Variants in LY86 observed in about 807,000 individuals in gnomAD.
LY86 encodes the protein MD-1, RP105-associated.
LY86 carries 20 observed loss-of-function variants against 17.3 expected under a neutral mutation model. The ratio of observed to expected loss-of-function variants is 1.15; its 90% CI spans 0.81 to 1.68. The LOEUF (loss-of-function observed/expected upper bound fraction) is 1.68, where lower values mean the gene tolerates loss of function less well. LY86 is among the 40% of genes most tolerant of loss of function. LY86 has a pLI of 0.00. For missense variants in LY86, 200 were observed against 191.9 expected, an observed-to-expected ratio of 1.04 and a Z score of -0.25; for synonymous variants, 74 against 70.6, an observed-to-expected ratio of 1.05 and a Z score of -0.24.
chr6:6,604,108 T>C (rs1043842552), intron 1 of LY86, among the ~76,000 whole-genome samples: 3 of 152,154 alleles, frequency 2.0e-5, no homozygotes, highest in African/African-American at 7.2e-5. Flanking sequence ...CTGAGGCATA[T>C]AGGCAGAAGG....
intron 1 of LY86, among the ~76,000 whole-genome samples, chr6:6,615,853 C>T (rs909066545): frequency 1.3e-5 from 2 of 151,756 alleles, no homozygotes; most frequent in Non-Finnish European, 2.9e-5. Context: ...AGAACCAGAC[C>T]CTATCTCAAA....
At position 6,610,695 on chromosome 6, in the gene LY86, G is replaced by GGT. The variant is rs60355397; in HGVS notation, c.137-14221_137-14220dup. Among the ~76,000 whole-genome samples the GGT allele has an allele frequency of 8.5e-3, 1,291 of 152,168 alleles. 18 individuals carry two copies. The highest frequency in any genetic ancestry group is 0.029 in the African/African-American group (1,209 of 41,480). On this transcript the variant is annotated intron_variant, in intron 1 of 4. Transcript: ENST00000230568. The stretch of plus-strand genomic sequence containing the variant: ...GGAGGGCTGGGGTTTTGTTTTGTGG[G>GGT]GTGTGTGTGTGCATTCTCATGTGTG...
At chr6:6,622,573 C>A (rs1323821992) in intron 1 of LY86, 1 of 152,174 alleles carries the variant, frequency 6.6e-6, no homozygotes, top group African/African-American at 2.4e-5. Flanking sequence ...CTCTTTCCCA[C>A]CCTTAGGAAA....
chr6:6,592,845 A>C (rs966944369), intron 1 of LY86, among the ~76,000 whole-genome samples: 1 of 152,190 alleles, frequency 6.6e-6, no homozygotes, highest in African/African-American at 2.4e-5. Flanking sequence ...TTGGCTGTTT[A>C]AGCCCCCCAG....
chr6:6,621,641 T>C (rs910378528), intron 1 of LY86, among the ~76,000 whole-genome samples: 3 of 152,200 alleles, frequency 2.0e-5, no homozygotes, highest in African/African-American at 7.2e-5. Context: ...AGACATCCTA[T>C]GATGTGCAGA....
chr6:6,604,438 T>C (rs1445634640), intron 1 of LY86, among the ~76,000 whole-genome samples: 2 of 152,048 alleles, frequency 1.3e-5, no homozygotes, highest in Non-Finnish European at 2.9e-5. Context: ...ATTTAATTGT[T>C]GAAATGAAAA....
chr6:6,612,607 TC>T (rs1380288440), intron 1 of LY86, among the ~76,000 whole-genome samples: 6 of 152,326 alleles, frequency 3.9e-5, no homozygotes, highest in Non-Finnish European at 8.8e-5. Context: ...ATCTGGCCCC[TC>T]CCACATCCTG....
chr6:6,612,043 G>C (rs796953690), intron 1 of LY86, among the ~76,000 whole-genome samples: 8 of 146,320 alleles, frequency 5.5e-5, no homozygotes, highest in African/African-American at 2.0e-4. Flanking sequence ...TTAGGAGAGA[G>C]CAAATTGAAG....
At chr6:6,613,046 A>G (rs1761429014) in intron 1 of LY86, among the ~76,000 whole-genome samples, 1 of 152,134 alleles carries the variant, frequency 6.6e-6, no homozygotes, top group Non-Finnish European at 1.5e-5. Context: ...TTGGCTAGAC[A>G]TAAAGCTTCT....
chr6:6,603,609 A>AC (rs1468626659), intron 1 of LY86, among the ~76,000 whole-genome samples: 28,766 of 105,652 alleles, frequency 0.27, 4,483 homozygotes, highest in East Asian at 0.57. Context: ...GAAACAGAAA[A>AC]AAAAACAAAC....
At chr6:6,605,585 C>T (rs1391039371) in intron 1 of LY86, among the ~76,000 whole-genome samples, 1 of 152,266 alleles carries the variant, frequency 6.6e-6, no homozygotes, top group East Asian at 1.9e-4. Flanking sequence ...CGCATGACAG[C>T]TGTCATAGTC....
rs530696772 is a variant in LY86, at chr6:6,611,444, G to C, written c.137-13482G>C. Among the ~76,000 whole-genome samples the C allele has an allele frequency of 3.6e-4, 55 of 152,306 alleles. 1 individual carries two copies. Among genetic ancestry groups the C allele is most frequent in the East Asian group, 1.9e-4 (1 of 5,190 alleles). ...TGTGAGGATTTCAGCTAATACATAC[G>C]TAGGGCTCAGAACAGGACCTGCTGT... On this transcript the variant is annotated intron_variant, in intron 1 of 4. Coordinates refer to ENST00000230568, the MANE Select transcript of LY86 (RefSeq NM_004271.4).
chr6:6,603,831 T>TA lies in LY86; in HGVS notation c.136+14968dup, dbSNP rs374000971. Among the ~76,000 whole-genome samples the TA allele has an allele frequency of 8.6e-4, 130 of 151,544 alleles. No homozygotes were observed. The East Asian group carries it at 0.014, about 16-fold the overall frequency. On this transcript the variant is annotated intron_variant, in intron 1 of 4. Coordinates refer to ENST00000230568, the MANE Select transcript of LY86 (RefSeq NM_004271.4). ...AACCTTCTAAGAGTTACAGTCACAG[T>TA]AAAAAAATAATAGTAATAAATTAAG...
chr6:6,610,405 G>A (rs954234674), intron 1 of LY86, among the ~76,000 whole-genome samples: 2 of 152,218 alleles, frequency 1.3e-5, no homozygotes, highest in African/African-American at 4.8e-5. Context: ...ATGACCCACA[G>A]TGCAGGCCCT....
At chr6:6,630,994 A>T (rs1761890131) in intron 3 of LY86, among the ~76,000 whole-genome samples, 1 of 152,088 alleles carries the variant, frequency 6.6e-6, no homozygotes, top group Non-Finnish European at 1.5e-5. Context: ...ATCATTTATC[A>T]ATGATAAGAT....
intron 2 of LY86, among the ~76,000 whole-genome samples, chr6:6,625,302 AT>A (rs1187040974): frequency 6.6e-6 from 1 of 152,204 alleles, no homozygotes; most frequent in Non-Finnish European, 1.5e-5. Context: ...AAAGGAAAAT[AT>A]TTTGAGATTA....
intron 3 of LY86, among the ~76,000 whole-genome samples, chr6:6,645,479 T>C (rs948338461): frequency 1.3e-5 from 2 of 151,984 alleles, no homozygotes; most frequent in Non-Finnish European, 2.9e-5. Context: ...CCAACATCAC[T>C]TAGCTAGTGA....
chr6:6,614,796 C>T (rs1368866114), intron 1 of LY86, among the ~76,000 whole-genome samples: 11 of 151,972 alleles, frequency 7.2e-5, no homozygotes, highest in African/African-American at 2.4e-4. Flanking sequence ...TAAGCAGGGC[C>T]GTGCCTTTCT....
At chr6:6,616,111 T>C (rs1761548092) in intron 1 of LY86, among the ~76,000 whole-genome samples, 1 of 152,198 alleles carries the variant, frequency 6.6e-6, no homozygotes, top group Non-Finnish European at 1.5e-5. Context: ...TAATTCCTAA[T>C]AAAACACTTC....
Sources: allele counts gnomAD v4.1 joint callset (sites outside exome capture counted in the v4.1 genomes callset), GRCh38; gene constraint gnomAD v4.1.1; transcripts MANE v1.5; gene names NCBI Gene and HGNC (gene_info 2026-07-23, HGNC 2026-07-21).